CEP170: variants seen among roughly 807,000 people sequenced by gnomAD.
CEP170 encodes centrosomal protein 170, also known as centrosomal protein of 170 kDa.
In CEP170, 21 loss-of-function variants were observed where a neutral mutation model predicts 151.9. The ratio of observed to expected loss-of-function variants is 0.14; its 90% CI spans 0.10 to 0.20. The LOEUF (loss-of-function observed/expected upper bound fraction) is 0.20, where lower values mean the gene tolerates loss of function less well. Ranked by LOEUF, CEP170 falls within the 10% of genes least tolerant of loss-of-function variation. The probability of loss-of-function intolerance (pLI) is 1.00; values close to 1 mark genes in which losing one functional copy is unlikely to be tolerated. For synonymous variants in CEP170, 356 were observed against 648.8 expected (o/e 0.55, Z 6.86); for missense variants, 964 against 1,892.9 (o/e 0.51, Z 9.11).
intron 4 of CEP170, among the ~76,000 whole-genome samples, chr1:243,210,703 C>T (rs1296593935): frequency 7.3e-6 from 1 of 136,238 alleles, no homozygotes; most frequent in Admixed American, 8.6e-5. Flanking sequence ...CAACCTCTGC[C>T]TCCTGGGTTC....
Position 243,163,763 on chromosome 1 carries a change from G to C in CEP170, c.3676+521C>G, listed in dbSNP as rs181260560. Among the ~76,000 whole-genome samples the C allele has an allele frequency of 2.9e-4, 44 of 152,156 alleles. No individual in the cohort carries two copies. In the East Asian group the frequency reaches 7.3e-3, roughly 25 times the overall value. On this transcript the variant is annotated intron_variant, in intron 13 of 19. Coordinates refer to ENST00000366542, the MANE Select transcript of CEP170 (RefSeq NM_014812.3). ...TAAAAAGTATAGGTAAAGTATGTGAGACATTTCAAAATGGGTAGGGAAAAA... is the reference window on the plus strand; with the variant it reads ...TAAAAAGTATAGGTAAAGTATGTGACACATTTCAAAATGGGTAGGGAAAAA...
chr1:243,131,736 T>C (rs564046310), intron 17 of CEP170, among the ~76,000 whole-genome samples: 1 of 152,274 alleles, frequency 6.6e-6, no homozygotes, highest in South Asian at 2.1e-4. Flanking sequence ...GAAAAAATCA[T>C]AGCTTTCAAA....
At chr1:243,134,558 C>T (rs1406770061) in intron 17 of CEP170, among the ~76,000 whole-genome samples, 1 of 152,066 alleles carries the variant, frequency 6.6e-6, no homozygotes, top group Admixed American at 6.5e-5. Flanking sequence ...GGTGCAGTGC[C>T]ATGATCATGG....
Position 243,191,106 on chromosome 1 carries a change from G to A in CEP170, c.1020C>T (p.Asn340=). 1 of 1,613,372 alleles carries A rather than the reference G, an allele frequency of 6.2e-7. No homozygotes were observed. Among genetic ancestry groups the A allele is most frequent in the South Asian group, 1.1e-5 (1 of 90,996 alleles). Residue 340 remains asparagine, a synonymous_variant, in exon 8 of 20, where the codon AAC becomes AAT. Transcript: ENST00000366542. ...ENKVADWLAQ[N]NPPQMLWERT... Reference sequence around the variant, plus strand: ...TTTCCCATAGCATTTGAGGAGGGTTGTTTTGTGCTAGCCAGTCAGCAACTT... The same window carrying A: ...TTTCCCATAGCATTTGAGGAGGGTTATTTTGTGCTAGCCAGTCAGCAACTT...
chr1:243,255,746 GC>G (rs1345882152), upstream of CEP170, among the ~76,000 whole-genome samples: 1 of 152,242 alleles, frequency 6.6e-6, no homozygotes, highest in African/African-American at 2.4e-5. Context: ...CCTTCAGTGA[GC>G]CCTTTCTGTC....
intron 1 of CEP170, among the ~76,000 whole-genome samples, chr1:243,237,626 G>C (rs1352270593): frequency 6.6e-6 from 1 of 152,162 alleles, no homozygotes; most frequent in Non-Finnish European, 1.5e-5. Flanking sequence ...TATAGGCCAG[G>C]CATGGTGGCT....
In CEP170 at chr1:243,199,080, T is replaced by A. The variant is rs1428131032; in HGVS notation, c.611A>T (p.Asn204Ile). The change falls in exon 7 of 20, where the codon AAC becomes ATC. Residue 204 changes from asparagine (N) to isoleucine (I), a missense_variant. Coordinates refer to ENST00000366542, the MANE Select transcript of CEP170 (RefSeq NM_014812.3). ...FKTNGKPEEK[N>I]HEAGTSGCGI... ...TTTACCTGATGTTCCAGCTTCATGG[T>A]TTTTTTCTTCAGGTTTGCCATTTGT... 1 of 1,611,108 alleles carries A rather than the reference T, an allele frequency of 6.2e-7. No homozygotes were observed. Among genetic ancestry groups the A allele is most frequent in the South Asian group, 1.1e-5 (1 of 90,876 alleles).
intron 9 of CEP170, 28 bp from the exon 10 acceptor site, chr1:243,186,100 A>G (rs1169684776): frequency 1.2e-6 from 2 of 1,613,444 alleles, no homozygotes; most frequent in Admixed American, 1.7e-5. Flanking sequence ...CCACTTTGGC[A>G]TCTGCTGTTG....
At chr1:243,172,661 T>G in intron 11 of CEP170, 36 bp downstream of exon 11, 1 of 1,481,194 alleles carries the variant, frequency 6.8e-7, no homozygotes, top group Non-Finnish European at 9.0e-7. Context: ...ATTTATACTT[T>G]ATGCATTCAA....
chr1:243,195,746 A>G (rs2789158), intron 7 of CEP170, among the ~76,000 whole-genome samples: 1 of 152,138 alleles, frequency 6.6e-6, no homozygotes. Context: ...CACTTGATAT[A>G]CATTTCAAAT....
At chr1:243,221,862 A>C in intron 2 of CEP170, 49 bp from the exon 3 acceptor site, 1 of 1,519,754 alleles carries the variant, frequency 6.6e-7, no homozygotes. Context: ...ACTAGAATAA[A>C]TACCAGTCAC....
chr1:243,234,329 C>T (rs2064064281), intron 1 of CEP170, among the ~76,000 whole-genome samples: 1 of 152,118 alleles, frequency 6.6e-6, no homozygotes, highest in Admixed American at 6.5e-5. Flanking sequence ...CTTTTGGTAC[C>T]AACAGGCATG....
intron 1 of CEP170, among the ~76,000 whole-genome samples, chr1:243,246,414 T>G (rs2065405408): frequency 6.6e-6 from 1 of 152,018 alleles, no homozygotes; most frequent in Admixed American, 6.6e-5. Flanking sequence ...GTATTTTTAG[T>G]AGAGACAGGG....
chr1:243,223,695 T>C (rs2063002961), intron 2 of CEP170, among the ~76,000 whole-genome samples: 1 of 151,740 alleles, frequency 6.6e-6, no homozygotes, highest in South Asian at 2.1e-4. Flanking sequence ...GAGTGAGGAG[T>C]GGGCCTGTTA....
chr1:243,214,111 T>A (rs2062046876), intron 3 of CEP170, among the ~76,000 whole-genome samples: 1 of 152,142 alleles, frequency 6.6e-6, no homozygotes. Flanking sequence ...TAAGTGGACA[T>A]ATTCTCAACA....
intron 6 of CEP170, among the ~76,000 whole-genome samples, chr1:243,200,194 C>A (rs2060932843): frequency 6.6e-6 from 1 of 151,892 alleles, no homozygotes; most frequent in Non-Finnish European, 1.5e-5. Flanking sequence ...AAATACTATG[C>A]CATTTTACAT....
intron 14 of CEP170, among the ~76,000 whole-genome samples, chr1:243,153,929 A>G (rs2057337631): frequency 2.0e-5 from 3 of 152,266 alleles, no homozygotes; most frequent in Admixed American, 1.3e-4. Context: ...CATGTCTTAC[A>G]TTCCTACTCG....
At chr1:243,233,431 C>T (rs556375590) in intron 1 of CEP170, among the ~76,000 whole-genome samples, 1 of 152,102 alleles carries the variant, frequency 6.6e-6, no homozygotes, top group South Asian at 2.1e-4. Flanking sequence ...ATACATTTTA[C>T]TGCTTTTTAA....
chr1:243,129,688 T>G (rs986944323), intron 17 of CEP170, among the ~76,000 whole-genome samples: 1 of 152,138 alleles, frequency 6.6e-6, no homozygotes, highest in Non-Finnish European at 1.5e-5. Flanking sequence ...TATCTTATTC[T>G]TTATTGAAAA....
Sources: gnomAD v4.1 joint callset for allele counts (sites outside exome capture counted in the v4.1 genomes callset) on GRCh38, gnomAD v4.1.1 for gene constraint, MANE v1.5 for transcripts, NCBI Gene and HGNC (gene_info 2026-07-23, HGNC 2026-07-21) for gene names.